ERC1: variants seen among roughly 807,000 people sequenced by gnomAD.
ERC1 encodes ELKS/RAB6-interacting/CAST family member 1, also known as RAB6 interacting protein 2.
A neutral mutation model predicts 132.0 loss-of-function variants in ERC1; 56 were observed. The observed-to-expected ratio is 0.42, with a 90% CI of 0.34 to 0.53. ERC1 has a LOEUF of 0.53. Among genes scored for constraint, ERC1 ranks in the 20% least tolerant of loss-of-function variants. The pLI is 0.03. For synonymous variants in ERC1, 478 were observed against 476.1 expected (o/e 1.00, Z -0.05); for missense variants, 1,202 against 1,349.9 (o/e 0.89, Z 1.72).
At chr12:1,391,901 A>G (rs2089994337) in intron 16 of ERC1, among the ~76,000 whole-genome samples, 1 of 152,220 alleles carries the variant, frequency 6.6e-6, no homozygotes, top group Non-Finnish European at 1.5e-5. Flanking sequence ...TAAGGCAGAA[A>G]GATCCAGGGA....
intron 14 of ERC1, among the ~76,000 whole-genome samples, chr12:1,283,913 A>G (rs1282401276): frequency 6.6e-6 from 1 of 152,200 alleles, no homozygotes; most frequent in Non-Finnish European, 1.5e-5. Context: ...TTGTGTTGCA[A>G]CATTCCAAAT....
intron 16 of ERC1, among the ~76,000 whole-genome samples, chr12:1,402,614 A>AACACCACACACACACAC (rs762354470): frequency 5.0e-4 from 72 of 144,988 alleles, no homozygotes; most frequent in African/African-American, 1.7e-3. Flanking sequence ...TGTAACCCCC[A>AACACCACACACACACAC]ACACACACAC....
chr12:1,205,858 A>G (rs1957310059), intron 12 of ERC1, among the ~76,000 whole-genome samples: 1 of 152,042 alleles, frequency 6.6e-6, no homozygotes, highest in Non-Finnish European at 1.5e-5. Flanking sequence ...AAGTTTTATC[A>G]TTTGTCCCAT....
rs527778817 is a variant in ERC1, at chr12:991,370, C to G, written c.-157+48C>G. 6.4e-3 allele frequency: 1,005 copies of G among 156,560 alleles called. 6 individuals are homozygous for G. The highest frequency in any genetic ancestry group is 0.022 in the African/African-American group (905 of 41,404). 9.7% of individuals were successfully genotyped at this position (156,560 alleles called of 1,614,324 possible). A position where few individuals can be genotyped will look rare whatever the true frequency, so the allele number is the denominator to read the frequency against. On this transcript the variant is annotated intron_variant, in intron 1 of 18. Transcript: ENST00000360905. ...GACAGCGCGGAAGTCGCGCGGGACC[C>G]AGAGCTTCCCCCCTGTCGCTAGTGC...
At chr12:1,080,299 T>TCCTG (rs1200132615) in intron 2 of ERC1, among the ~76,000 whole-genome samples, 1 of 152,234 alleles carries the variant, frequency 6.6e-6, no homozygotes, top group African/African-American at 2.4e-5. Context: ...CACTCCTATG[T>TCCTG]CCTGGCAACC....
intron 2 of ERC1, among the ~76,000 whole-genome samples, chr12:1,072,265 T>G (rs541103388): frequency 1.7e-4 from 26 of 152,310 alleles, no homozygotes; most frequent in African/African-American, 6.3e-4. Flanking sequence ...CAAATATATT[T>G]ATTGGGGTTT....
chr12:1,455,314 T>G (rs1314249276), intron 18 of ERC1, among the ~76,000 whole-genome samples: 1 of 152,144 alleles, frequency 6.6e-6, no homozygotes, highest in Non-Finnish European at 1.5e-5. Flanking sequence ...CACTAGGTCT[T>G]ACTTCTATCT....
chr12:1,078,520 A>G (rs1481852418), intron 2 of ERC1, among the ~76,000 whole-genome samples: 1 of 151,848 alleles, frequency 6.6e-6, no homozygotes, highest in Non-Finnish European at 1.5e-5. Flanking sequence ...TTGAAAGCTC[A>G]CTGCTTGCTA....
chr12:1,487,586 G>A (rs2094246527), intron 18 of ERC1, among the ~76,000 whole-genome samples: 1 of 151,324 alleles, frequency 6.6e-6, no homozygotes, highest in African/African-American at 2.4e-5. Flanking sequence ...CAGGCATGGT[G>A]GTACACATCT....
At chr12:1,413,255 T>C (rs2091939861) in intron 17 of ERC1, among the ~76,000 whole-genome samples, 1 of 150,678 alleles carries the variant, frequency 6.6e-6, no homozygotes, top group Non-Finnish European at 1.5e-5. Flanking sequence ...CCTCCACTCA[T>C]AAAAAAAAAT....
intron 1 of ERC1, among the ~76,000 whole-genome samples, chr12:1,011,427 A>T (rs1347993102): frequency 6.6e-6 from 1 of 152,090 alleles, no homozygotes. Flanking sequence ...ATTGGTCTCA[A>T]ACTCCTAGGC....
chr12:1,053,551 G>A (rs1972413375), intron 2 of ERC1, among the ~76,000 whole-genome samples: 1 of 152,152 alleles, frequency 6.6e-6, no homozygotes. Flanking sequence ...GGACTTAACT[G>A]TCTCATGAAA....
intron 15 of ERC1, among the ~76,000 whole-genome samples, chr12:1,347,465 G>A (rs962661334): frequency 6.6e-6 from 1 of 151,996 alleles, no homozygotes; most frequent in Non-Finnish European, 1.5e-5. Context: ...TCACATGCTT[G>A]TCATTTTTCA....
intron 17 of ERC1, chr12:1,444,099 C>T (rs2093237235): frequency 6.6e-6 from 1 of 152,576 alleles, no homozygotes; most frequent in Non-Finnish European, 1.5e-5. Context: ...CAGAATTTTT[C>T]TTCCATTCTA....
chr12:1,300,690 A>G (rs530006108), intron 15 of ERC1, among the ~76,000 whole-genome samples: 3 of 151,944 alleles, frequency 2.0e-5, no homozygotes, highest in Non-Finnish European at 4.4e-5. Flanking sequence ...GCTAATGAGC[A>G]TATGAATAAA....
At chr12:1,472,141 G>A in intron 18 of ERC1, among the ~76,000 whole-genome samples, 1 of 152,210 alleles carries the variant, frequency 6.6e-6, no homozygotes, top group East Asian at 1.9e-4. Flanking sequence ...GCAGGTCGGG[G>A]ATAGGGGACA....
At chr12:1,172,352 C>T (rs1428715567) in intron 8 of ERC1, among the ~76,000 whole-genome samples, 1 of 152,094 alleles carries the variant, frequency 6.6e-6, no homozygotes, top group Non-Finnish European at 1.5e-5. Context: ...TTTGTAGTCT[C>T]AGCTACTCCG....
intron 2 of ERC1, among the ~76,000 whole-genome samples, chr12:1,041,272 A>T (rs551945811): frequency 6.7e-6 from 1 of 150,134 alleles, no homozygotes; most frequent in East Asian, 2.0e-4. Flanking sequence ...CAGTGGCATG[A>T]TCTTGGCTCA....
intron 8 of ERC1, among the ~76,000 whole-genome samples, chr12:1,166,585 T>C (rs2968879): frequency 0.26 from 39,165 of 152,178 alleles, 5,295 homozygotes; most frequent in African/African-American, 0.29. Flanking sequence ...TGTTGCATGT[T>C]TTTATCATAA....
Sources: gnomAD v4.1 joint callset for allele counts (sites outside exome capture counted in the v4.1 genomes callset) on GRCh38, gnomAD v4.1.1 for gene constraint, MANE v1.5 for transcripts, NCBI Gene and HGNC (gene_info 2026-07-23, HGNC 2026-07-21) for gene names.